Variants in PBX3 observed in about 807,000 individuals in gnomAD.
PBX3 encodes pre-B-cell leukemia transcription factor 3.
Under a neutral mutation model 48.5 loss-of-function variants are expected in PBX3, and 14 were observed. The observed-to-expected ratio is 0.29, with a 90% CI of 0.19 to 0.45. The LOEUF is 0.45. PBX3 is among the 20% of genes least tolerant of loss of function. PBX3 has a pLI of 1.00. For missense variants in PBX3, 386 were observed against 546.7 expected (o/e 0.71, Z 2.93); for synonymous variants, 210 against 200.3 (o/e 1.05, Z -0.41).
intron 2 of PBX3, among the ~76,000 whole-genome samples, chr9:125,863,634 A>G (rs1315347240): frequency 6.6e-6 from 1 of 152,196 alleles, no homozygotes; most frequent in Admixed American, 6.5e-5. Context: ...TTTAGATTCT[A>G]TGAAATGCTA....
chr9:125,788,326 C>T (rs549781527), intron 2 of PBX3, among the ~76,000 whole-genome samples: 1 of 152,244 alleles, frequency 6.6e-6, no homozygotes, highest in Admixed American at 6.5e-5. Context: ...AGACAAATTT[C>T]TAAACAGATA....
intron 5 of PBX3, among the ~76,000 whole-genome samples, chr9:125,948,735 T>C (rs1021927364): frequency 8.5e-5 from 13 of 152,142 alleles, no homozygotes; most frequent in East Asian, 1.9e-4. Flanking sequence ...TATATATATA[T>C]ACATGCACAC....
At position 125,934,957 on chromosome 9, in the gene PBX3, C is replaced by G. The variant is rs112177109; in HGVS notation, c.708-515C>G. 1.8e-3 allele frequency among the ~76,000 whole-genome samples: 278 copies of G among 152,284 alleles called. 2 individuals carry two copies. Among genetic ancestry groups the G allele is most frequent in the African/African-American group, 6.2e-3 (257 of 41,548 alleles). The stretch of plus-strand genomic sequence containing the variant: ...TCTTTTAAAAACATAAAACTTAAAA[C>G]CTTTAATAGTTTCCTATTGCACTCA... On this transcript the variant is annotated intron_variant, in intron 4 of 8. Coordinates refer to ENST00000373489, the MANE Select transcript of PBX3 (RefSeq NM_006195.6).
intron 2 of PBX3, among the ~76,000 whole-genome samples, chr9:125,762,155 T>C (rs1326943246): frequency 3.3e-5 from 5 of 152,190 alleles, no homozygotes; most frequent in Admixed American, 1.3e-4. Flanking sequence ...ACGTACATTG[T>C]TTTATTACCC....
chr9:125,825,104 C>T (rs1035403275), intron 2 of PBX3, among the ~76,000 whole-genome samples: 125 of 152,168 alleles, frequency 8.2e-4, no homozygotes, highest in African/African-American at 2.7e-3. Flanking sequence ...GATAACATGG[C>T]GAAACCTTAT....
chr9:125,859,847 G>A (rs1335802214), intron 2 of PBX3, among the ~76,000 whole-genome samples: 2 of 152,216 alleles, frequency 1.3e-5, no homozygotes, highest in Non-Finnish European at 2.9e-5. Flanking sequence ...CAATGAAAAT[G>A]TGTGTTATCA....
intron 2 of PBX3, among the ~76,000 whole-genome samples, chr9:125,797,863 A>G (rs927782409): frequency 2.6e-5 from 4 of 152,152 alleles, no homozygotes; most frequent in African/African-American, 9.6e-5. Context: ...CCAGAAGCAA[A>G]ACATTAACAG....
intron 2 of PBX3, among the ~76,000 whole-genome samples, chr9:125,789,726 A>T (rs1417877592): frequency 6.6e-6 from 1 of 152,098 alleles, no homozygotes; most frequent in Non-Finnish European, 1.5e-5. Flanking sequence ...GGACCATTGG[A>T]GCCTTCTTAG....
chr9:125,762,588 A>G (rs537650730), intron 2 of PBX3, among the ~76,000 whole-genome samples: 36 of 152,316 alleles, frequency 2.4e-4, no homozygotes, highest in African/African-American at 8.2e-4. Flanking sequence ...GAAATGGGAA[A>G]AAGACTGCAA....
At chr9:125,843,725 G>A (rs540517292) in intron 2 of PBX3, 73 of 438,994 alleles carry the variant, frequency 1.7e-4, no homozygotes, top group African/African-American at 1.1e-3. Flanking sequence ...TAGTCATTTC[G>A]GCCATGGTGC....
intron 2 of PBX3, among the ~76,000 whole-genome samples, chr9:125,862,562 T>G (rs890798118): frequency 3.3e-5 from 5 of 152,038 alleles, no homozygotes. Context: ...AATTTTTGTA[T>G]TTTTAGTAGA....
intron 5 of PBX3, among the ~76,000 whole-genome samples, chr9:125,944,715 A>G (rs1842029786): frequency 6.6e-6 from 1 of 152,072 alleles, no homozygotes; most frequent in Non-Finnish European, 1.5e-5. Flanking sequence ...CAAAAAACAG[A>G]TATGTTAGGA....
intron 5 of PBX3, chr9:125,949,279 T>C (rs1842136690): frequency 6.9e-7 from 1 of 1,449,314 alleles, no homozygotes; most frequent in African/African-American, 1.4e-5. Context: ...AATGAAATCA[T>C]GTATGAAGAG....
intron 2 of PBX3, among the ~76,000 whole-genome samples, chr9:125,850,059 A>C (rs569504799): frequency 1.3e-5 from 2 of 152,088 alleles, no homozygotes; most frequent in Non-Finnish European, 2.9e-5. Flanking sequence ...AAAGTCCTTA[A>C]ATATATATTT....
chr9:125,805,457 G>C (rs1184398407), intron 2 of PBX3, among the ~76,000 whole-genome samples: 1 of 152,156 alleles, frequency 6.6e-6, no homozygotes, highest in East Asian at 1.9e-4. Context: ...TTTTTAAAAA[G>C]ATGATTTTGA....
intron 2 of PBX3, among the ~76,000 whole-genome samples, chr9:125,768,298 C>G (rs1272171454): frequency 1.3e-5 from 2 of 152,098 alleles, no homozygotes; most frequent in Non-Finnish European, 2.9e-5. Context: ...ATTTGTTAAA[C>G]TTTCCTATGT....
chr9:125,846,145 A>C (rs977558933), intron 2 of PBX3, among the ~76,000 whole-genome samples: 2 of 152,086 alleles, frequency 1.3e-5, no homozygotes, highest in Non-Finnish European at 2.9e-5. Context: ...CTCATGTTTT[A>C]ATTTTCTTTA....
chr9:125,838,963 A>G (rs1181774979), intron 2 of PBX3, among the ~76,000 whole-genome samples: 2 of 152,236 alleles, frequency 1.3e-5, no homozygotes, highest in African/African-American at 4.8e-5. Flanking sequence ...AAGTGAAGGC[A>G]GCAAGTTAGG....
chr9:125,947,331 A>G (rs931663825), intron 5 of PBX3, among the ~76,000 whole-genome samples: 1 of 152,194 alleles, frequency 6.6e-6, no homozygotes, highest in Non-Finnish European at 1.5e-5. Flanking sequence ...TAGTATGTAT[A>G]GAATTAAAAT....
Sources: allele counts gnomAD v4.1 joint callset (sites outside exome capture counted in the v4.1 genomes callset), GRCh38; gene constraint gnomAD v4.1.1; transcripts MANE v1.5; gene names NCBI Gene and HGNC (gene_info 2026-07-23, HGNC 2026-07-21).